The following RIMKLA variants were observed in gnomAD, a reference collection of about 807,000 sequenced individuals.
The protein encoded by RIMKLA is N-acetylaspartylglutamate synthase A.
RIMKLA carries 14 observed loss-of-function variants against 32.7 expected under a neutral mutation model. The ratio of observed to expected loss-of-function variants is 0.43; its 90% CI spans 0.28 to 0.67. The LOEUF (loss-of-function observed/expected upper bound fraction) is 0.67, where lower values mean the gene tolerates loss of function less well. Ranked by LOEUF, RIMKLA falls within the 30% of genes least tolerant of loss-of-function variation. The pLI, the probability that RIMKLA is intolerant of heterozygous loss-of-function variation, is 0.18. For synonymous variants in RIMKLA, 176 were observed against 204.1 expected, an observed-to-expected ratio of 0.86 and a Z score of 1.18; for missense variants, 410 against 519.0, an observed-to-expected ratio of 0.79 and a Z score of 2.04.
rs1234681465 is a variant in RIMKLA at position 42,385,763 on chromosome 1, C to CTTTG, written c.163+4669_163+4670insGTTT. ...TCTTTCTTTCTTTCTTTCTTTCTTT[C>CTTTG]TTTCTTTGTTTCTTTGTTTGTTTGT... On this transcript the variant is annotated intron_variant, in intron 1 of 4. Coordinates refer to ENST00000431473, the MANE Select transcript of RIMKLA (RefSeq NM_173642.4). Among the ~76,000 whole-genome samples, 62 of 92,686 alleles carry CTTTG rather than the reference C, an allele frequency of 6.7e-4. 1 individual carries two copies. Among genetic ancestry groups the CTTTG allele is most frequent in the East Asian group, 3.2e-3 (12 of 3,728 alleles). 60.8% of individuals were successfully genotyped at this position (92,686 alleles called of 152,430 possible).
At chr1:42,413,223 CG>C (rs1418924701) in intron 4 of RIMKLA, among the ~76,000 whole-genome samples, 1 of 151,442 alleles carries the variant, frequency 6.6e-6, no homozygotes, top group East Asian at 1.9e-4. Flanking sequence ...AAAATATGGC[CG>C]GGCGCAGTGG....
chr1:42,382,538 G>C (rs1202263116), intron 1 of RIMKLA, among the ~76,000 whole-genome samples: 1 of 152,188 alleles, frequency 6.6e-6, no homozygotes, highest in Non-Finnish European at 1.5e-5. Context: ...CACCGACCTA[G>C]ATTAAGTAGT....
chr1:42,409,965 GCT>G lies in RIMKLA; in HGVS notation c.482-16_482-15del. On this transcript the variant is annotated splice_polypyrimidine_tract_variant and intron_variant, in intron 3 of 4. Transcript: ENST00000431473. ...AGAGGCTTCTCTAACCCCTTCTCTT[GCT>G]CTTTTTCTTCTTAAAGGAAAAGCTG... is the stretch of plus-strand genomic sequence containing the variant. The G allele has an allele frequency of 6.2e-7, 1 of 1,603,010 alleles. No homozygotes were observed. Among genetic ancestry groups the G allele is most frequent in the Non-Finnish European group, 8.5e-7 (1 of 1,170,064 alleles).
chr1:42,388,692 AT>A (rs1642972366), intron 1 of RIMKLA, among the ~76,000 whole-genome samples: 1 of 151,160 alleles, frequency 6.6e-6, no homozygotes, highest in Non-Finnish European at 1.5e-5. Context: ...TGATTTTTGT[AT>A]TTTTAGTAGA....
chr1:42,406,908 C>A (rs1010897160), intron 3 of RIMKLA, among the ~76,000 whole-genome samples: 9 of 149,572 alleles, frequency 6.0e-5, no homozygotes, highest in Non-Finnish European at 1.3e-4. Context: ...TTGAAGGGTT[C>A]TTGTATAATG....
At position 42,423,472 on chromosome 1, in the gene RIMKLA, T is replaced by G. The variant is rs1557762740; in HGVS notation, c.*8498T>G. ...ATTCCCCCATTGTCTCAAAGAGAACTGCATTTAGCTCCATGGTAGACCAGC... is the reference window on the plus strand; with the variant it reads ...ATTCCCCCATTGTCTCAAAGAGAACGGCATTTAGCTCCATGGTAGACCAGC... On this transcript the variant is annotated 3_prime_UTR_variant, in exon 5 of 5. Coordinates refer to ENST00000431473, the MANE Select transcript of RIMKLA (RefSeq NM_173642.4). 6.6e-6 allele frequency among the ~76,000 whole-genome samples: 1 copy of G among 152,250 alleles called. No homozygotes were observed. Among genetic ancestry groups the G allele is most frequent in the Non-Finnish European group, 1.5e-5 (1 of 68,038 alleles).
intron 2 of RIMKLA, among the ~76,000 whole-genome samples, chr1:42,400,172 C>A (rs952110056): frequency 6.6e-6 from 1 of 152,130 alleles, no homozygotes; most frequent in African/African-American, 2.4e-5. Flanking sequence ...GAGAGACACC[C>A]TGACCTGTTG....
intron 1 of RIMKLA, among the ~76,000 whole-genome samples, chr1:42,389,411 A>G (rs1642977291): frequency 6.6e-6 from 1 of 152,180 alleles, no homozygotes; most frequent in Non-Finnish European, 1.5e-5. Flanking sequence ...GAAACTAGCA[A>G]AGAATCCTGA....
chr1:42,399,347 C>G, intron 1 of RIMKLA, 57 bp from the exon 2 acceptor site: 2 of 1,285,944 alleles, frequency 1.6e-6, no homozygotes, highest in Non-Finnish European at 2.2e-6. Flanking sequence ...GGAACCATTT[C>G]TTCTGGTGGA....
chr1:42,385,998 T>C (rs1448921594), intron 1 of RIMKLA, among the ~76,000 whole-genome samples: 1 of 151,198 alleles, frequency 6.6e-6, no homozygotes. Context: ...CTCAGCTCAC[T>C]GCAACTTCTG....
rs1430115098 is a variant in RIMKLA, at chr1:42,420,266, A to G, written c.*5292A>G. 2 of 152,276 alleles carry G rather than the reference A, an allele frequency of 1.3e-5. No individual in the cohort carries two copies. Among genetic ancestry groups the G allele is most frequent in the Non-Finnish European group, 2.9e-5 (2 of 68,052 alleles). 9.4% of individuals were successfully genotyped at this position (152,276 alleles called of 1,614,324 possible). On this transcript the variant is annotated 3_prime_UTR_variant, in exon 5 of 5. Coordinates refer to ENST00000431473, the MANE Select transcript of RIMKLA (RefSeq NM_173642.4). ...TTATCCCTGCAATGCATCAGCTGAG[A>G]CATGAAGCTCAGTTTCCTCGCCCAT...
chr1:42,393,745 C>G (rs1643018429), intron 1 of RIMKLA, among the ~76,000 whole-genome samples: 1 of 152,156 alleles, frequency 6.6e-6, no homozygotes, highest in South Asian at 2.1e-4. Context: ...CCTCACAACA[C>G]AAGATAATCT....
intron 1 of RIMKLA, among the ~76,000 whole-genome samples, chr1:42,383,498 G>C (rs1036051640): frequency 1.3e-5 from 2 of 152,166 alleles, no homozygotes; most frequent in African/African-American, 4.8e-5. Flanking sequence ...AATGAATGAG[G>C]ATATGATCTC....
chr1:42,424,055 G>A lies in RIMKLA; in HGVS notation c.*9081G>A, dbSNP rs1304890541. 6.6e-6 allele frequency among the ~76,000 whole-genome samples: 1 copy of A among 152,188 alleles called. No individual in the cohort carries two copies. On this transcript the variant is annotated 3_prime_UTR_variant, in exon 5 of 5. Transcript: ENST00000431473. ...GAAGTGGCAGCTGAGCACACTGCCT[G>A]CCCAGGGATTTTCTTCTGCTCTAAA...
At chr1:42,406,991 T>G (rs1643152877) in intron 3 of RIMKLA, among the ~76,000 whole-genome samples, 1 of 152,088 alleles carries the variant, frequency 6.6e-6, no homozygotes, top group African/African-American at 2.4e-5. Flanking sequence ...CTGCAGCCTC[T>G]GCATCCTGGG....
intron 1 of RIMKLA, among the ~76,000 whole-genome samples, chr1:42,389,675 G>A (rs192877773): frequency 1.1e-4 from 16 of 152,160 alleles, no homozygotes; most frequent in Admixed American, 3.3e-4. Flanking sequence ...TTAGCCGGGC[G>A]TGGTGGTGCG....
At chr1:42,381,256 G>A (rs915342106) in intron 1 of RIMKLA, among the ~76,000 whole-genome samples, 159 bp downstream of exon 1, 3 of 152,334 alleles carry the variant, frequency 2.0e-5, no homozygotes, top group African/African-American at 7.2e-5. Context: ...GGAGAAAGCC[G>A]CTAACCTTCA....
chr1:42,393,030 A>G (rs1643013854), intron 1 of RIMKLA, among the ~76,000 whole-genome samples: 1 of 152,156 alleles, frequency 6.6e-6, no homozygotes, highest in Non-Finnish European at 1.5e-5. Flanking sequence ...CTGGCCTCTC[A>G]GGTGGAATAA....
At chr1:42,396,959 C>G (rs987205683) in intron 1 of RIMKLA, among the ~76,000 whole-genome samples, 1 of 152,108 alleles carries the variant, frequency 6.6e-6, no homozygotes, top group Non-Finnish European at 1.5e-5. Flanking sequence ...TTTTACCTTT[C>G]GCATTATTTC....
Sources: allele counts gnomAD v4.1 joint callset (sites outside exome capture counted in the v4.1 genomes callset), GRCh38; gene constraint gnomAD v4.1.1; transcripts MANE v1.5; gene names NCBI Gene and HGNC (gene_info 2026-07-23, HGNC 2026-07-21).